LCORL: variants seen among roughly 807,000 people sequenced by gnomAD.
LCORL encodes ligand-dependent nuclear receptor corepressor-like protein.
LCORL carries 41 observed loss-of-function variants against 141.8 expected under a neutral mutation model. The ratio of observed to expected loss-of-function variants is 0.29; its 90% CI spans 0.23 to 0.38. The LOEUF is 0.38. Ranked by LOEUF, LCORL falls within the 10% of genes least tolerant of loss-of-function variation. The probability of loss-of-function intolerance (pLI) is 1.00; values close to 1 mark genes in which losing one functional copy is unlikely to be tolerated. For synonymous variants in LCORL, 618 were observed against 694.1 expected (o/e 0.89, Z 1.72); for missense variants, 1,759 against 2,035.0 (o/e 0.86, Z 2.61).
In LCORL at chr4:17,969,724, C is replaced by T. The variant is rs1365389572; in HGVS notation, c.220+3096G>A. 7.2e-5 allele frequency among the ~76,000 whole-genome samples: 11 copies of T among 151,990 alleles called. 1 individual carries two copies. The highest frequency in any genetic ancestry group is 2.9e-5 in the Non-Finnish European group (2 of 67,994). ...TCTTTAGATTTTTCCTTTGTTCATT[C>T]GTAAACTCAGCAGAAAAACTGGTTA... is the stretch of plus-strand genomic sequence containing the variant. On this transcript the variant is annotated intron_variant, in intron 2 of 7. Coordinates refer to ENST00000635767, the Ensembl canonical transcript of LCORL.
At chr4:17,868,655 A>G (rs1314923490) in intron 7 of LCORL, among the ~76,000 whole-genome samples, 1 of 152,088 alleles carries the variant, frequency 6.6e-6, no homozygotes, top group Non-Finnish European at 1.5e-5. Context: ...CACATTTCCC[A>G]TCCTCCACCC....
chr4:17,880,439 G>T, intron 6 of LCORL: 1 of 922,126 alleles, frequency 1.1e-6, no homozygotes, highest in Non-Finnish European at 1.3e-6. Context: ...ACCTTTTCCT[G>T]TTTGATTTAT....
At chr4:17,845,065 A>G (rs146632765) in exon 8 of LCORL, 55 of 152,368 alleles carry the variant, frequency 3.6e-4, no homozygotes, top group African/African-American at 1.3e-3. Context: ...TACAGAAACC[A>G]CATAGTATTT....
chr4:17,872,175 T>C (rs969236397), intron 7 of LCORL, among the ~76,000 whole-genome samples: 1 of 152,032 alleles, frequency 6.6e-6, no homozygotes, highest in Non-Finnish European at 1.5e-5. Flanking sequence ...ATGTAAAATT[T>C]CTTTCATGTT....
chr4:17,846,431 C>T (rs1722947228), intron 7 of LCORL, among the ~76,000 whole-genome samples: 1 of 152,072 alleles, frequency 6.6e-6, no homozygotes, highest in South Asian at 2.1e-4. Flanking sequence ...CAGTCACCTG[C>T]CTGGAACTGG....
chr4:17,870,211 C>T (rs1299513240), intron 7 of LCORL, among the ~76,000 whole-genome samples: 1 of 152,138 alleles, frequency 6.6e-6, no homozygotes, highest in East Asian at 1.9e-4. Flanking sequence ...AATCATGGCT[C>T]ACTGAAGCCT....
chr4:17,910,269 G>C (rs1245016871), intron 4 of LCORL, among the ~76,000 whole-genome samples: 1 of 152,204 alleles, frequency 6.6e-6, no homozygotes, highest in African/African-American at 2.4e-5. Flanking sequence ...AGTATTGGGG[G>C]TGGTGGCTTT....
chr4:18,007,102 C>T (rs1722946858), intron 1 of LCORL, among the ~76,000 whole-genome samples: 1 of 152,158 alleles, frequency 6.6e-6, no homozygotes, highest in Non-Finnish European at 1.5e-5. Flanking sequence ...CCTGATTTGC[C>T]TGTTATATTC....
chr4:17,888,094 A>G (rs916257630), intron 5 of LCORL, among the ~76,000 whole-genome samples: 1 of 152,100 alleles, frequency 6.6e-6, no homozygotes, highest in Admixed American at 6.6e-5. Flanking sequence ...ACAGACTATA[A>G]GCTATGTGAA....
At chr4:17,971,716 A>G (rs1258630465) in intron 2 of LCORL, among the ~76,000 whole-genome samples, 3 of 151,828 alleles carry the variant, frequency 2.0e-5, no homozygotes, top group African/African-American at 4.8e-5. Context: ...ATTAGATTTT[A>G]TCATTAAAAA....
rs574779175 is a variant in LCORL at position 17,880,795 on chromosome 4, G to T, written c.777-2582C>A. 5.4e-6 allele frequency: 5 copies of T among 925,302 alleles called. No individual in the cohort carries two copies. In the South Asian group the frequency reaches 2.5e-4, roughly 46 times the overall value. 57.3% of individuals were successfully genotyped at this position (925,302 alleles called of 1,614,324 possible). On this transcript the variant is annotated intron_variant, in intron 6 of 7. Coordinates refer to ENST00000635767, the Ensembl canonical transcript of LCORL. Reference sequence around the variant, plus strand: ...AACACAAAGTAGGAACAGAATTACAGTACATTTACAACACAAGACAGATAC... The same window carrying T: ...AACACAAAGTAGGAACAGAATTACATTACATTTACAACACAAGACAGATAC...
At chr4:18,000,082 A>T (rs911041825) in intron 1 of LCORL, among the ~76,000 whole-genome samples, 3 of 151,808 alleles carry the variant, frequency 2.0e-5, no homozygotes, top group African/African-American at 7.3e-5. Context: ...ACAAAGACAG[A>T]GAGTAACTAA....
At chr4:17,849,295 C>A (rs1723338902) in intron 7 of LCORL, among the ~76,000 whole-genome samples, 1 of 152,142 alleles carries the variant, frequency 6.6e-6, no homozygotes, top group Admixed American at 6.5e-5. Flanking sequence ...CAGACTGACA[C>A]CTCACACGGC....
At chr4:17,975,058 T>C (rs1314492943) in intron 1 of LCORL, among the ~76,000 whole-genome samples, 2 of 152,074 alleles carry the variant, frequency 1.3e-5, no homozygotes, top group African/African-American at 4.8e-5. Context: ...TCTTGATCAC[T>C]CATTTTCTAT....
At chr4:17,958,658 C>G (rs544474867) in intron 4 of LCORL, among the ~76,000 whole-genome samples, 2 of 151,980 alleles carry the variant, frequency 1.3e-5, no homozygotes, top group East Asian at 1.9e-4. Context: ...ACTATATGTA[C>G]GTACAAAATA....
intron 1 of LCORL, among the ~76,000 whole-genome samples, chr4:18,010,926 A>C (rs1245731972): frequency 6.6e-6 from 1 of 152,166 alleles, no homozygotes; most frequent in Non-Finnish European, 1.5e-5. Flanking sequence ...GGATGCATCA[A>C]AAGCACAACC....
At chr4:17,958,540 A>G (rs977999413) in intron 4 of LCORL, among the ~76,000 whole-genome samples, 1 of 151,960 alleles carries the variant, frequency 6.6e-6, no homozygotes, top group Non-Finnish European at 1.5e-5. Context: ...ATATCTGTAA[A>G]CAAGGCATTT....
intron 4 of LCORL, among the ~76,000 whole-genome samples, chr4:17,919,291 T>G (rs1018149650): frequency 6.6e-6 from 1 of 152,094 alleles, no homozygotes; most frequent in African/African-American, 2.4e-5. Flanking sequence ...CAGGAACAAA[T>G]GGCTTCAATG....
intron 5 of LCORL, among the ~76,000 whole-genome samples, chr4:17,893,982 A>G (rs919956288): frequency 1.3e-5 from 2 of 151,986 alleles, no homozygotes; most frequent in African/African-American, 2.4e-5. Context: ...TATTTTTAGT[A>G]GAGATGGGGT....
Sources: gnomAD v4.1 joint callset for allele counts (sites outside exome capture counted in the v4.1 genomes callset) on GRCh38, gnomAD v4.1.1 for gene constraint, MANE v1.5 for transcripts, NCBI Gene and HGNC (gene_info 2026-07-23, HGNC 2026-07-21) for gene names.